ATF7IP: variants seen among roughly 807,000 people sequenced by gnomAD.
ATF7IP encodes the protein activating transcription factor 7-interacting protein 1.
ATF7IP carries 23 observed loss-of-function variants against 106.4 expected under a neutral mutation model. That is an observed-to-expected ratio of 0.22 (90% CI 0.16 to 0.31). ATF7IP has a LOEUF of 0.31. ATF7IP is among the 10% of genes least tolerant of loss of function. The pLI, the probability that ATF7IP is intolerant of heterozygous loss-of-function variation, is 1.00. For synonymous variants in ATF7IP, 542 were observed against 539.0 expected (o/e 1.01, Z -0.08); for missense variants, 1,334 against 1,524.3 (o/e 0.88, Z 2.08).
In ATF7IP at chr12:14,499,525, G is replaced by A. The variant is rs1293010274; in HGVS notation, c.*1452G>A. 6.6e-6 allele frequency: 1 copy of A among 152,166 alleles called. No individual in the cohort carries two copies. Among genetic ancestry groups the A allele is most frequent in the Non-Finnish European group, 1.5e-5 (1 of 68,040 alleles). 9.4% of individuals were successfully genotyped at this position (152,166 alleles called of 1,614,324 possible). A position where few individuals can be genotyped will look rare whatever the true frequency, so the allele number is the denominator to read the frequency against. ...AAATAGTAAGATTACAATATAGAAT[G>A]AGCTAAAATATCAAGGGGAAAGCTT... On this transcript the variant is annotated 3_prime_UTR_variant, in exon 15 of 15. Coordinates refer to ENST00000261168, the MANE Select transcript of ATF7IP (RefSeq NM_018179.5).
intron 1 of ATF7IP, among the ~76,000 whole-genome samples, chr12:14,392,728 G>C (rs1329975973): frequency 1.3e-5 from 2 of 152,134 alleles, no homozygotes; most frequent in Non-Finnish European, 2.9e-5. Context: ...CACAAAATGT[G>C]GCCTGTGATC....
intron 2 of ATF7IP, 54 bp downstream of exon 2, chr12:14,425,527 T>C: frequency 5.5e-6 from 8 of 1,444,750 alleles, no homozygotes; most frequent in Non-Finnish European, 7.4e-6. Flanking sequence ...ATGAACTGTT[T>C]AATAAAACAT....
intron 10 of ATF7IP, among the ~76,000 whole-genome samples, chr12:14,468,652 A>C (rs1943925962): frequency 1.3e-5 from 2 of 152,258 alleles, no homozygotes; most frequent in Non-Finnish European, 2.9e-5. Context: ...CAGTTTGAGC[A>C]GCTAGCCTGC....
chr12:14,440,812 T>C (rs1183343772), intron 5 of ATF7IP, among the ~76,000 whole-genome samples: 1 of 152,248 alleles, frequency 6.6e-6, no homozygotes, highest in Non-Finnish European at 1.5e-5. Context: ...ACTAATCTGC[T>C]GTCTCTATCG....
At chr12:14,373,014 AG>A (rs1938590451) in intron 1 of ATF7IP, among the ~76,000 whole-genome samples, 1 of 152,188 alleles carries the variant, frequency 6.6e-6, no homozygotes, top group Admixed American at 6.5e-5. Context: ...AAAGATGGAA[AG>A]GGAATCTGCT....
chr12:14,390,926 A>G (rs969639894), intron 1 of ATF7IP, among the ~76,000 whole-genome samples: 5 of 152,248 alleles, frequency 3.3e-5, no homozygotes, highest in African/African-American at 9.6e-5. Flanking sequence ...GACATTGGTA[A>G]CTCTAAGGAA....
chr12:14,458,802 G>A (rs1223843980), intron 8 of ATF7IP, among the ~76,000 whole-genome samples: 4 of 151,588 alleles, frequency 2.6e-5, no homozygotes, highest in Non-Finnish European at 4.4e-5. Flanking sequence ...GATCCTGGGC[G>A]CTAGAGGCAA....
intron 8 of ATF7IP, among the ~76,000 whole-genome samples, chr12:14,460,008 A>G (rs1943579393): frequency 1.3e-5 from 2 of 152,204 alleles, no homozygotes; most frequent in African/African-American, 2.4e-5. Flanking sequence ...AGATACAGAC[A>G]TGGTTCAAAT....
At chr12:14,447,482 A>G (rs553359635) in intron 6 of ATF7IP, among the ~76,000 whole-genome samples, 2 of 151,952 alleles carry the variant, frequency 1.3e-5, no homozygotes, top group Non-Finnish European at 2.9e-5. Flanking sequence ...GGGTTTCACC[A>G]TGTTGGCCAG....
intron 1 of ATF7IP, among the ~76,000 whole-genome samples, chr12:14,388,014 CT>C (rs34633217): frequency 0.47 from 56,874 of 120,348 alleles, 11,767 homozygotes; most frequent in African/African-American, 0.56. Context: ...TTCATTCTTT[CT>C]TTTTTTTTTT....
At chr12:14,480,837 A>ATTGGCCCTATCATTT (rs1349988691) in intron 12 of ATF7IP, among the ~76,000 whole-genome samples, 166 bp from the exon 13 acceptor site, 1 of 152,154 alleles carries the variant, frequency 6.6e-6, no homozygotes, top group Non-Finnish European at 1.5e-5. Flanking sequence ...ATTAATGTTT[A>ATTGGCCCTATCATTT]TTGGCCCTAT....
chr12:14,444,916 G>T (rs1591875616), intron 5 of ATF7IP, among the ~76,000 whole-genome samples: 1 of 151,458 alleles, frequency 6.6e-6, no homozygotes, highest in East Asian at 1.9e-4. Context: ...TATACAAGAT[G>T]ATTTTGGGGG....
At chr12:14,444,532 T>A (rs544665427) in intron 5 of ATF7IP, among the ~76,000 whole-genome samples, 22 of 152,262 alleles carry the variant, frequency 1.4e-4, no homozygotes, top group East Asian at 5.8e-4. Context: ...TTCATTTTTT[T>A]AAAATGTCTC....
At chr12:14,490,514 G>A (rs989519324) in intron 13 of ATF7IP, among the ~76,000 whole-genome samples, 5 of 152,170 alleles carry the variant, frequency 3.3e-5, no homozygotes, top group Admixed American at 6.5e-5. Context: ...ACTGCTCCAA[G>A]TTCTGCCCAC....
chr12:14,370,619 TACAC>T (rs1938493445), intron 1 of ATF7IP, among the ~76,000 whole-genome samples: 1 of 152,176 alleles, frequency 6.6e-6, no homozygotes, highest in Admixed American at 6.5e-5. Flanking sequence ...TCATCGGTAT[TACAC>T]ACTTCCTGTA....
At chr12:14,419,585 TAGTA>T (rs978316659) in intron 1 of ATF7IP, among the ~76,000 whole-genome samples, 7 of 152,226 alleles carry the variant, frequency 4.6e-5, no homozygotes, top group Middle Eastern at 6.8e-3. Flanking sequence ...GTTTTGGAAT[TAGTA>T]AGGAAAAGTG....
chr12:14,427,478 C>G (rs1565502654), intron 2 of ATF7IP, among the ~76,000 whole-genome samples: 1 of 152,010 alleles, frequency 6.6e-6, no homozygotes, highest in South Asian at 2.1e-4. Flanking sequence ...TTCTCCTCCC[C>G]ACTCCGCCTC....
intron 14 of ATF7IP, among the ~76,000 whole-genome samples, chr12:14,496,853 TTGAC>T (rs1945026447): frequency 6.6e-6 from 1 of 152,188 alleles, no homozygotes; most frequent in African/African-American, 2.4e-5. Context: ...TTGTCAGTGT[TTGAC>T]TGGTATGAAA....
At chr12:14,418,518 T>C (rs1471582073) in intron 1 of ATF7IP, among the ~76,000 whole-genome samples, 2 of 152,212 alleles carry the variant, frequency 1.3e-5, no homozygotes, top group East Asian at 3.8e-4. Context: ...GCGACAGTAC[T>C]AAAATGATCC....
Sources: gnomAD v4.1 joint callset for allele counts (sites outside exome capture counted in the v4.1 genomes callset) on GRCh38, gnomAD v4.1.1 for gene constraint, MANE v1.5 for transcripts, NCBI Gene and HGNC (gene_info 2026-07-23, HGNC 2026-07-21) for gene names.